Variants in IGSF3 observed in about 807,000 individuals in gnomAD.
IGSF3 encodes immunoglobulin superfamily member 3.
Under a neutral mutation model 114.4 loss-of-function variants are expected in IGSF3, and 23 were observed. The observed-to-expected ratio is 0.20, with a 90% CI of 0.14 to 0.28. The LOEUF is 0.28. Ranked by LOEUF, IGSF3 falls within the 10% of genes least tolerant of loss-of-function variation. The pLI is 1.00. For missense variants in IGSF3, 1,172 were observed against 1,591.5 expected (o/e 0.74, Z 4.48); for synonymous variants, 571 against 645.2 (o/e 0.88, Z 1.74).
At position 116,614,322 on chromosome 1, in the gene IGSF3, C is replaced by T. The variant is rs1661137518; in HGVS notation, c.422-147G>A. 1.6e-6 allele frequency: 1 copy of T among 644,308 alleles called. No individual in the cohort carries two copies. Among genetic ancestry groups the T allele is most frequent in the Non-Finnish European group, 2.7e-6 (1 of 368,178 alleles). 39.9% of individuals were successfully genotyped at this position (644,308 alleles called of 1,614,324 possible). On this transcript the variant is annotated intron_variant, in intron 3 of 10. Transcript: ENST00000369486. This position sits in a 1 kb window ranked among gnomAD's most constrained non-coding sequence, Gnocchi z 4.5. ...CATCGATTCAAGGCCACAGACAGCC[C>T]CAAATGCACATAAACAGAAAGTTTT...
Position 116,634,312 on chromosome 1 carries a change from A to T in IGSF3, c.44-17855T>A, listed in dbSNP as rs1647724083. 1.3e-5 allele frequency among the ~76,000 whole-genome samples: 2 copies of T among 152,246 alleles called. No individual in the cohort carries two copies. The highest frequency in any genetic ancestry group is 1.3e-4 in the Admixed American group (2 of 15,286). The stretch of plus-strand genomic sequence containing the variant: ...CTGTTTAAAAATCTAAGAGGAAAAA[A>T]GGGTAGGCTCCAGCTAGCGGAGAGA... On this transcript the variant is annotated intron_variant, in intron 2 of 10. Transcript: ENST00000369486. This position sits in a 1 kb window ranked among gnomAD's most constrained non-coding sequence, Gnocchi z 4.2.
chr1:116,596,443 A>G lies in IGSF3; in HGVS notation c.2029+3498T>C, dbSNP rs1323238214. Among the ~76,000 whole-genome samples, 4 of 152,228 alleles carry G rather than the reference A, an allele frequency of 2.6e-5. No individual in the cohort carries two copies. The highest frequency in any genetic ancestry group is 9.7e-5 in the African/African-American group (4 of 41,442). On this transcript the variant is annotated intron_variant, in intron 7 of 10. Coordinates refer to ENST00000369486, the MANE Select transcript of IGSF3 (RefSeq NM_001007237.3). This position sits in a 1 kb window ranked among gnomAD's most constrained non-coding sequence, Gnocchi z 4.1. ...CGGAGCTCTGGTATCCGCAAGTCTT[A>G]GAGCCACCTTGTGGCAGAAGCTGGA... is the stretch of plus-strand genomic sequence containing the variant.
rs1659412454 is a variant in IGSF3 at position 116,577,705 on chromosome 1, A to G, written c.3335-143T>C. 1 of 686,378 alleles carries G rather than the reference A, an allele frequency of 1.5e-6. No homozygotes were observed. Among genetic ancestry groups the G allele is most frequent in the Non-Finnish European group, 2.5e-6 (1 of 404,344 alleles). 42.5% of individuals were successfully genotyped at this position (686,378 alleles called of 1,614,324 possible). On this transcript the variant is annotated intron_variant, in intron 10 of 10. Transcript: ENST00000369486. The surrounding 1 kb of genome is among the most constrained non-coding windows in gnomAD (Gnocchi z 5.7). The stretch of plus-strand genomic sequence containing the variant: ...CCTTGTCTTTCCCCTGCTACCATTA[A>G]TGGTGGAAGATGACCCTTATATTCT...
chr1:116,576,955 G>A lies in IGSF3; in HGVS notation c.*357C>T. On this transcript the variant is annotated 3_prime_UTR_variant, in exon 11 of 11. Coordinates refer to ENST00000369486, the MANE Select transcript of IGSF3 (RefSeq NM_001007237.3). This position sits in a 1 kb window ranked among gnomAD's most constrained non-coding sequence, Gnocchi z 4.6. ...GGAATCCAAAAAGGGTAAACTAAAG[G>A]GATTTAAAAAGAGTACATTACAAAG... The A allele has an allele frequency of 5.4e-6, 1 of 184,580 alleles. No homozygotes were observed. The allele number at this position is 184,580 out of a possible 1,614,324, so 11.4% of individuals were successfully genotyped here.
In IGSF3 at chr1:116,641,002, A is replaced by G. The variant is rs189932767; in HGVS notation, c.44-24545T>C. On this transcript the variant is annotated intron_variant, in intron 2 of 10. Transcript: ENST00000369486. ...ATTACTAGTAAGTGCAGCTTAATCA[A>G]CAAGAGTTTTCATTAACACGTGGGA... 5.9e-5 allele frequency among the ~76,000 whole-genome samples: 9 copies of G among 152,354 alleles called. No individual in the cohort carries two copies. The East Asian group carries it at 1.7e-3, about 29-fold the overall frequency.
chr1:116,605,541 T>C lies in IGSF3; in HGVS notation c.1223-1516A>G, dbSNP rs1249872793. 6.6e-6 allele frequency among the ~76,000 whole-genome samples: 1 copy of C among 152,128 alleles called. No individual in the cohort carries two copies. Among genetic ancestry groups the C allele is most frequent in the Non-Finnish European group, 1.5e-5 (1 of 68,026 alleles). On this transcript the variant is annotated intron_variant, in intron 5 of 10. Coordinates refer to ENST00000369486, the MANE Select transcript of IGSF3 (RefSeq NM_001007237.3). The surrounding 1 kb of genome is among the most constrained non-coding windows in gnomAD (Gnocchi z 5.1). ...AGTCACCATCTATAGCACTAATGGT[T>C]AAGGGGATGGATTTGGAGACTTCCT...
chr1:116,646,705 C>G (rs1040068227), intron 2 of IGSF3, among the ~76,000 whole-genome samples: 1 of 152,166 alleles, frequency 6.6e-6, no homozygotes, highest in Non-Finnish European at 1.5e-5. Flanking sequence ...GGAACAAAGC[C>G]GGGGTCCCTC....
intron 8 of IGSF3, among the ~76,000 whole-genome samples, chr1:116,587,937 G>A (rs1211851039): frequency 1.3e-5 from 2 of 152,212 alleles, no homozygotes; most frequent in Non-Finnish European, 2.9e-5. Context: ...GTGAGAAGTT[G>A]AAAGGACTAG....
At position 116,647,666 on chromosome 1, in the gene IGSF3, T is replaced by C. The variant is rs1438331328; in HGVS notation, c.43+18618A>G. ...TGCTGGCTCCATAACAAATGTTGAT[T>C]GAATGTTGTCTGGGCGGACAGAGGC... On this transcript the variant is annotated intron_variant, in intron 2 of 10. Coordinates refer to ENST00000369486, the MANE Select transcript of IGSF3 (RefSeq NM_001007237.3). The surrounding 1 kb of genome is among the most constrained non-coding windows in gnomAD (Gnocchi z 4.6). 6.6e-6 allele frequency among the ~76,000 whole-genome samples: 1 copy of C among 152,244 alleles called. No homozygotes were observed. Among genetic ancestry groups the C allele is most frequent in the Admixed American group, 6.5e-5 (1 of 15,288 alleles).
Position 116,643,615 on chromosome 1 carries a change from C to T in IGSF3, c.43+22669G>A, listed in dbSNP as rs538345574. The stretch of plus-strand genomic sequence containing the variant: ...GGTCCTCCTGGGGATGCAGGCACAG[C>T]GACTGACAAGGATGAGGAGCAGAAG... On this transcript the variant is annotated intron_variant, in intron 2 of 10. Coordinates refer to ENST00000369486, the MANE Select transcript of IGSF3 (RefSeq NM_001007237.3). 1.9e-4 allele frequency among the ~76,000 whole-genome samples: 29 copies of T among 152,352 alleles called. No individual in the cohort carries two copies. The East Asian group carries it at 2.3e-3, about 12-fold the overall frequency.
At chr1:116,653,248 A>G (rs1038339972) in intron 2 of IGSF3, among the ~76,000 whole-genome samples, 1 of 152,258 alleles carries the variant, frequency 6.6e-6, no homozygotes, top group African/African-American at 2.4e-5. Context: ...CTGAATGCCT[A>G]TACATTTGCA....
Position 116,584,872 on chromosome 1 carries a change from G to A in IGSF3, c.2621C>T (p.Ala874Val). 6.2e-7 allele frequency: 1 copy of A among 1,614,242 alleles called. No individual in the cohort carries two copies. Among genetic ancestry groups the A allele is most frequent in the East Asian group, 2.2e-5 (1 of 44,872 alleles). Reference protein sequence around the residue: ...RETVARLSRDATFHYGEQAAK... With the variant: ...RETVARLSRDVTFHYGEQAAK... ...TGCCTGCTCTCCATAGTGGAAGGTGGCGTCACGGCTCAAGCGGGCCACAGT... is the reference window on the plus strand; with the variant it reads ...TGCCTGCTCTCCATAGTGGAAGGTGACGTCACGGCTCAAGCGGGCCACAGT... Residue 874 changes from alanine to valine, a missense_variant, in exon 9 of 11, where the codon GCC (alanine) becomes GTC (valine). This residue lies in a region of IGSF3 where 423 missense variants were observed against 509.8 expected (regional missense o/e 0.83). Transcript: ENST00000369486. The surrounding 1 kb of genome is among the most constrained non-coding windows in gnomAD (Gnocchi z 5.8).
In IGSF3 at chr1:116,598,933, A is replaced by G. The variant is rs1277873689; in HGVS notation, c.2029+1008T>C. Among the ~76,000 whole-genome samples the G allele has an allele frequency of 6.6e-6, 1 of 152,174 alleles. No homozygotes were observed. The highest frequency in any genetic ancestry group is 1.5e-5 in the Non-Finnish European group (1 of 68,022). ...TGTTTGCAGAAAGCCCCACTGACTA[A>G]TGCTCCCCAAATTAATGCATCCTTA... On this transcript the variant is annotated intron_variant, in intron 7 of 10. Transcript: ENST00000369486. This position sits in a 1 kb window ranked among gnomAD's most constrained non-coding sequence, Gnocchi z 4.3.
intron 5 of IGSF3, chr1:116,606,646 C>T (rs962433582): frequency 1.3e-4 from 84 of 663,642 alleles, no homozygotes; most frequent in Non-Finnish European, 2.0e-4. Context: ...AAGTAAACAG[C>T]GTGGCTGCCC....
At chr1:116,640,253 T>C (rs909886390) in intron 2 of IGSF3, among the ~76,000 whole-genome samples, 8 of 152,190 alleles carry the variant, frequency 5.3e-5, no homozygotes, top group African/African-American at 1.2e-4. Context: ...GACACATGTA[T>C]AACAAATGCC....
chr1:116,633,550 T>C lies in IGSF3; in HGVS notation c.44-17093A>G, dbSNP rs1215899577. Among the ~76,000 whole-genome samples the C allele has an allele frequency of 6.6e-6, 1 of 152,134 alleles. No individual in the cohort carries two copies. Among genetic ancestry groups the C allele is most frequent in the Non-Finnish European group, 1.5e-5 (1 of 68,024 alleles). On this transcript the variant is annotated intron_variant, in intron 2 of 10. Coordinates refer to ENST00000369486, the MANE Select transcript of IGSF3 (RefSeq NM_001007237.3). The surrounding 1 kb of genome is among the most constrained non-coding windows in gnomAD (Gnocchi z 4.3). The stretch of plus-strand genomic sequence containing the variant: ...CCTAACTATATATTCCCCTATGCCA[T>C]GGAAAGGTGCATGTAAGTGAGAGAA...
chr1:116,608,291 C>G lies in IGSF3; in HGVS notation c.873G>C (p.Leu291=), dbSNP rs528462485. 2.5e-6 allele frequency: 4 copies of G among 1,613,108 alleles called. No individual in the cohort carries two copies. The African/African-American group carries it at 5.3e-5, about 22-fold the overall frequency. ...FTVRLETEKR[L]HTVGEPVEFR... is the part of the protein sequence containing the mutation. ...ACTCCACCGGCTCGCCCACCGTGTG[C>G]AGCCGCTTCTCTGTCTCCAGCCGAA... Residue 291 remains leucine (L), a synonymous_variant, in exon 5 of 11, where the codon CTG becomes CTC. Coordinates refer to ENST00000369486, the MANE Select transcript of IGSF3 (RefSeq NM_001007237.3).
At position 116,577,335 on chromosome 1, in the gene IGSF3, T is replaced by C; in HGVS notation, c.3562A>G (p.Ile1188Val). Residue 1188 changes from isoleucine to valine, a missense_variant, in exon 11 of 11, where the codon ATC (isoleucine) becomes GTC (valine). Ile to Val is a conservative substitution (Grantham distance 29). This residue lies in a region of IGSF3 where 423 missense variants were observed against 509.8 expected (regional missense o/e 0.83). Transcript: ENST00000369486. This position sits in a 1 kb window ranked among gnomAD's most constrained non-coding sequence, Gnocchi z 5.7. Reference protein sequence around the residue: ...PTCLEPPVLSIHPGAID With the variant: ...PTCLEPPVLSVHPGAID ...GCTTAGTCTATGGCCCCTGGATGGA[T>C]ACTGAGAACAGGGGGCTCCAGGCAA... 6.2e-7 allele frequency: 1 copy of C among 1,614,056 alleles called. No homozygotes were observed. Among genetic ancestry groups the C allele is most frequent in the Non-Finnish European group, 8.5e-7 (1 of 1,180,026 alleles).
Position 116,666,409 on chromosome 1 carries a change from A to C in IGSF3, c.-83T>G. On this transcript the variant is annotated 5_prime_UTR_variant, in exon 2 of 11. Coordinates refer to ENST00000369486, the MANE Select transcript of IGSF3 (RefSeq NM_001007237.3). ...CTCTCATTTCTGGCAATCCACTTAT[A>C]GCTCCAGAGAACAGTTTTGGAAATA... The C allele has an allele frequency of 8.0e-7, 1 of 1,256,136 alleles. No homozygotes were observed. The highest frequency in any genetic ancestry group is 1.2e-5 in the South Asian group (1 of 83,728). The allele number at this position is 1,256,136 out of a possible 1,614,324, so 77.8% of individuals were successfully genotyped here. A position where few individuals can be genotyped will look rare whatever the true frequency, so the allele number is the denominator to read the frequency against.
Sources: gnomAD v4.1 joint callset for allele counts (sites outside exome capture counted in the v4.1 genomes callset) on GRCh38, gnomAD v4.1.1 for gene constraint, gnomAD v4.1.1 regional missense constraint, Gnocchi (gnomAD v3.1) non-coding constraint, MANE v1.5 for transcripts, NCBI Gene and HGNC (gene_info 2026-07-23, HGNC 2026-07-21) for gene names.